The following DNAH7 variants were observed in gnomAD, a reference collection of about 807,000 sequenced individuals.
DNAH7 encodes axonemal beta dynein heavy chain 7.
A neutral mutation model predicts 444.6 loss-of-function variants in DNAH7; 397 were observed. The observed-to-expected ratio is 0.89, with a 90% CI of 0.82 to 0.97. The LOEUF is 0.97. Ranked by LOEUF, DNAH7 falls within the 50% of genes least tolerant of loss-of-function variation. DNAH7 has a pLI of 0.00. For missense variants in DNAH7, 4,902 were observed against 4,800.8 expected, an observed-to-expected ratio of 1.02 and a Z score of -0.62; for synonymous variants, 1,636 against 1,624.4, an observed-to-expected ratio of 1.01 and a Z score of -0.17.
chr2:195,972,838 A>G (rs1186733984), intron 15 of DNAH7, among the ~76,000 whole-genome samples: 1 of 152,174 alleles, frequency 6.6e-6, no homozygotes, highest in Non-Finnish European at 1.5e-5. Flanking sequence ...ATACACTGTG[A>G]TGAAAGACAG....
intron 2 of DNAH7, among the ~76,000 whole-genome samples, chr2:196,056,599 G>A (rs1450460131): frequency 6.6e-6 from 1 of 152,010 alleles, no homozygotes; most frequent in African/African-American, 2.4e-5. Flanking sequence ...AAAGATGACA[G>A]ATAAATGCTA....
At chr2:196,036,132 A>T (rs939551541) in intron 5 of DNAH7, among the ~76,000 whole-genome samples, 1 of 151,252 alleles carries the variant, frequency 6.6e-6, no homozygotes, top group Non-Finnish European at 1.5e-5. Context: ...CCTGAGTTCA[A>T]GCGATTCCCC....
chr2:195,928,955 A>T (rs995045727), intron 21 of DNAH7, among the ~76,000 whole-genome samples: 6 of 152,138 alleles, frequency 3.9e-5, no homozygotes, highest in African/African-American at 1.4e-4. Context: ...TGGCAATATG[A>T]TTCTACACCT....
intron 1 of DNAH7, among the ~76,000 whole-genome samples, chr2:196,063,017 G>C (rs1698217673): frequency 6.6e-6 from 1 of 152,126 alleles, no homozygotes; most frequent in Non-Finnish European, 1.5e-5. Context: ...CGAGTAGCTA[G>C]GATTACAGGC....
intron 63 of DNAH7, 135 bp downstream of exon 63, chr2:195,754,202 A>G: frequency 1.0e-6 from 1 of 958,210 alleles, no homozygotes; most frequent in Non-Finnish European, 1.5e-6. Context: ...TATCTCAATA[A>G]TTTTTTTCTC....
chr2:196,053,094 T>C (rs1184597186), intron 2 of DNAH7, among the ~76,000 whole-genome samples: 1 of 152,140 alleles, frequency 6.6e-6, no homozygotes, highest in Admixed American at 6.5e-5. Flanking sequence ...GTATGTACAA[T>C]GAAGAATAAT....
chr2:195,972,302 A>T lies in DNAH7; in HGVS notation c.1998T>A (p.Ile666=). 1 of 1,614,096 alleles carries T rather than the reference A, an allele frequency of 6.2e-7. No homozygotes were observed. Among genetic ancestry groups the T allele is most frequent in the Non-Finnish European group, 8.5e-7 (1 of 1,179,980 alleles). The change falls in exon 16 of 65, where the codon ATT becomes ATA. Residue 666 remains isoleucine, a synonymous_variant. Coordinates refer to ENST00000312428, the MANE Select transcript of DNAH7 (RefSeq NM_018897.3). ...VFQWYGRMGE[I]FEEHRKIIKE... ...TAATGATTTTCCTGTGTTCTTCAAA[A>T]ATTTCTCCCATCCTTCCATACCACT...
At chr2:195,740,648 TATACACAC>T (rs1443646457) in intron 64 of DNAH7, 110 bp downstream of exon 64, 14,119 of 59,496 alleles carry the variant, frequency 0.24, 709 homozygotes, top group Non-Finnish European at 0.26. Flanking sequence ...TATATATACA[TATACACAC>T]ACACATATGT....
chr2:195,852,294 C>T (rs1386406391), intron 46 of DNAH7, among the ~76,000 whole-genome samples: 1 of 151,782 alleles, frequency 6.6e-6, no homozygotes, highest in African/African-American at 2.4e-5. Flanking sequence ...AAAAACACCA[C>T]CACCAAGAGT....
At chr2:195,795,140 G>A (rs528883996) in intron 56 of DNAH7, among the ~76,000 whole-genome samples, 158 of 152,300 alleles carry the variant, frequency 1.0e-3, no homozygotes, top group Non-Finnish European at 1.9e-3. Flanking sequence ...CAGCACTTTG[G>A]GAGGCCAAGG....
intron 28 of DNAH7, among the ~76,000 whole-genome samples, chr2:195,898,086 T>C (rs887946142): frequency 6.6e-6 from 1 of 152,252 alleles, no homozygotes; most frequent in South Asian, 2.1e-4. Context: ...GCTTGTTCTC[T>C]GCATGTATTC....
chr2:196,049,794 C>T (rs931620543), intron 3 of DNAH7, among the ~76,000 whole-genome samples: 9 of 152,182 alleles, frequency 5.9e-5, no homozygotes, highest in African/African-American at 2.2e-4. Context: ...TTATGCGTCT[C>T]AGCCATAGAT....
chr2:195,879,667 A>T (rs924796841), intron 36 of DNAH7, among the ~76,000 whole-genome samples: 1 of 152,162 alleles, frequency 6.6e-6, no homozygotes, highest in Non-Finnish European at 1.5e-5. Context: ...TTAAGTACAT[A>T]CTTATAAAAA....
intron 12 of DNAH7, among the ~76,000 whole-genome samples, chr2:195,996,614 C>T (rs1263076786): frequency 6.6e-6 from 1 of 151,960 alleles, no homozygotes; most frequent in African/African-American, 2.4e-5. Flanking sequence ...TTAGTACAGA[C>T]AGGGTTTCAC....
chr2:195,742,504 A>G (rs1693105985), intron 63 of DNAH7, among the ~76,000 whole-genome samples: 1 of 152,256 alleles, frequency 6.6e-6, no homozygotes, highest in African/African-American at 2.4e-5. Flanking sequence ...CGTTCTTTCC[A>G]ACCCATCAAT....
chr2:195,983,398 G>C (rs1692701643), intron 15 of DNAH7, among the ~76,000 whole-genome samples: 1 of 152,134 alleles, frequency 6.6e-6, no homozygotes, highest in Non-Finnish European at 1.5e-5. Context: ...TCTGCTTCTG[G>C]TCAGGGCCTC....
intron 54 of DNAH7, among the ~76,000 whole-genome samples, chr2:195,805,406 C>T (rs1696664550): frequency 6.6e-6 from 1 of 152,090 alleles, no homozygotes; most frequent in African/African-American, 2.4e-5. Flanking sequence ...TGTGAAGCAT[C>T]TCATATTCTC....
chr2:195,804,052 A>G lies in DNAH7; in HGVS notation c.10176+2688T>C, dbSNP rs187283812. 4.8e-4 allele frequency among the ~76,000 whole-genome samples: 48 copies of G among 100,128 alleles called. No individual in the cohort carries two copies. The East Asian group carries it at 6.0e-3, about 13-fold the overall frequency. The allele number at this position is 100,128 out of a possible 152,430, so 65.7% of individuals were successfully genotyped here. A position where few individuals can be genotyped will look rare whatever the true frequency, so the allele number is the denominator to read the frequency against. ...TGAGTGGGGCTGGTTTTGAGGGGAG[A>G]GGGGGGGAAGGAGACCCCCCCCAAA... On this transcript the variant is annotated intron_variant, in intron 54 of 64. Coordinates refer to ENST00000312428, the MANE Select transcript of DNAH7 (RefSeq NM_018897.3).
intron 5 of DNAH7, among the ~76,000 whole-genome samples, chr2:196,029,002 T>C (rs1056073989): frequency 2.0e-5 from 3 of 152,234 alleles, no homozygotes; most frequent in Admixed American, 6.5e-5. Context: ...TTGGGTAATG[T>C]CTCAGTTTAA....
Sources: gnomAD v4.1 joint callset for allele counts (sites outside exome capture counted in the v4.1 genomes callset) on GRCh38, gnomAD v4.1.1 for gene constraint, MANE v1.5 for transcripts, NCBI Gene and HGNC (gene_info 2026-07-23, HGNC 2026-07-21) for gene names.